The following ADD3 variants were observed in gnomAD, a reference collection of about 807,000 sequenced individuals.
ADD3 encodes adducin 3.
A neutral mutation model predicts 80.2 loss-of-function variants in ADD3; 25 were observed. The ratio of observed to expected loss-of-function variants is 0.31; its 90% CI spans 0.23 to 0.44. The LOEUF is 0.44. ADD3 is among the 20% of genes least tolerant of loss of function. ADD3 has a pLI of 1.00. For missense variants in ADD3, 829 were observed against 847.5 expected (o/e 0.98, Z 0.27); for synonymous variants, 284 against 289.6 (o/e 0.98, Z 0.20).
chr10:110,072,352 A>C (rs1228649161), intron 1 of ADD3, among the ~76,000 whole-genome samples: 2 of 152,194 alleles, frequency 1.3e-5, no homozygotes, highest in Non-Finnish European at 2.9e-5. Flanking sequence ...GGCGTGAGCC[A>C]CTGTGCCCGG....
At chr10:110,083,985 T>C (rs893576314) in intron 1 of ADD3, among the ~76,000 whole-genome samples, 1 of 152,216 alleles carries the variant, frequency 6.6e-6, no homozygotes, top group African/African-American at 2.4e-5. Context: ...GCTTTTTATT[T>C]GACAATAAAG....
At chr10:110,080,208 C>A (rs1239553666) in intron 1 of ADD3, among the ~76,000 whole-genome samples, 2 of 152,180 alleles carry the variant, frequency 1.3e-5, no homozygotes, top group Non-Finnish European at 2.9e-5. Flanking sequence ...ACATTGGGTT[C>A]AAAGTCGGGT....
intron 2 of ADD3, among the ~76,000 whole-genome samples, chr10:110,103,641 G>T (rs956487107): frequency 3.9e-5 from 6 of 152,108 alleles, no homozygotes; most frequent in African/African-American, 1.4e-4. Flanking sequence ...TTCTCCCCAT[G>T]CTCCAGGGGA....
chr10:110,077,760 TCAG>T (rs1189287784), intron 1 of ADD3, among the ~76,000 whole-genome samples: 1 of 129,834 alleles, frequency 7.7e-6, no homozygotes, highest in Non-Finnish European at 1.5e-5. Flanking sequence ...AGGTCCATGT[TCAG>T]CAATTTTTTT....
chr10:110,095,364 G>A (rs1006109619), intron 1 of ADD3, among the ~76,000 whole-genome samples: 3 of 152,004 alleles, frequency 2.0e-5, no homozygotes, highest in Non-Finnish European at 4.4e-5. Context: ...TCTCATTGGC[G>A]GCCACTCCTC....
chr10:110,112,967 A>G, intron 3 of ADD3, 52 bp downstream of exon 3: 1 of 1,570,320 alleles, frequency 6.4e-7, no homozygotes. Context: ...TCCACTTTGG[A>G]CCACTATACA....
In ADD3 at chr10:110,118,629, A is replaced by G; in HGVS notation, c.610A>G (p.Thr204Ala). 6.2e-7 allele frequency: 1 copy of G among 1,613,936 alleles called. No individual in the cohort carries two copies. The highest frequency in any genetic ancestry group is 1.1e-5 in the South Asian group (1 of 91,078). ...AGGAGAAGTGGTTGACCAGGGAAGT[A>G]CCAATTTGAAAATTGACCATACAGG... ...IIGEVVDQGSTNLKIDHTGFS... is the reference protein window; with the variant it reads ...IIGEVVDQGSANLKIDHTGFS... The change falls in exon 6 of 15, where the codon ACC (threonine) becomes GCC (alanine). Residue 204 changes from threonine to alanine, a missense_variant. Coordinates refer to ENST00000356080, the MANE Select transcript of ADD3 (RefSeq NM_016824.5).
At chr10:110,120,535 C>T (rs1278906007) in intron 8 of ADD3, among the ~76,000 whole-genome samples, 8 of 151,996 alleles carry the variant, frequency 5.3e-5, no homozygotes, top group South Asian at 2.1e-4. Flanking sequence ...AATAAACATA[C>T]GTGTGCATGT....
chr10:110,088,362 CT>C (rs1847072445), intron 1 of ADD3, among the ~76,000 whole-genome samples: 1 of 152,164 alleles, frequency 6.6e-6, no homozygotes. Context: ...ATAAAAATCT[CT>C]TTTTGTGAAC....
intron 8 of ADD3, among the ~76,000 whole-genome samples, chr10:110,121,331 A>G (rs987430217): frequency 2.0e-5 from 3 of 152,018 alleles, no homozygotes; most frequent in African/African-American, 7.3e-5. Flanking sequence ...TAAAAATACA[A>G]AATTAACAGG....
At chr10:110,105,820 G>A (rs1849343650) in intron 2 of ADD3, among the ~76,000 whole-genome samples, 1 of 152,194 alleles carries the variant, frequency 6.6e-6, no homozygotes, top group Non-Finnish European at 1.5e-5. Context: ...AAATCACCAT[G>A]ATCTGTGGTC....
intron 1 of ADD3, among the ~76,000 whole-genome samples, chr10:110,054,647 C>G (rs1564900262): frequency 1.4e-5 from 2 of 146,178 alleles, no homozygotes; most frequent in South Asian, 2.2e-4. Context: ...GAGTCTCGCT[C>G]TGTCCCCCAG....
At chr10:110,119,406 T>C (rs766784177) in intron 7 of ADD3, 52 bp downstream of exon 7, 1 of 1,613,268 alleles carries the variant, frequency 6.2e-7, no homozygotes. Flanking sequence ...CTGCTGTTGA[T>C]GAAAACAGTG....
chr10:110,051,517 A>G (rs1322634996), intron 1 of ADD3, among the ~76,000 whole-genome samples: 1 of 152,198 alleles, frequency 6.6e-6, no homozygotes, highest in African/African-American at 2.4e-5. Context: ...TGCCTGTTAT[A>G]GGGAATTTGC....
chr10:110,038,206 G>T (rs922618819), intron 1 of ADD3, among the ~76,000 whole-genome samples: 3 of 151,676 alleles, frequency 2.0e-5, no homozygotes, highest in African/African-American at 7.3e-5. Context: ...AACATCTCCA[G>T]AATTCAGTGA....
At chr10:110,069,907 C>T (rs1433168530) in intron 1 of ADD3, among the ~76,000 whole-genome samples, 1 of 152,140 alleles carries the variant, frequency 6.6e-6, no homozygotes, top group Non-Finnish European at 1.5e-5. Context: ...AACTGTGGTT[C>T]GCTAATAGAT....
At chr10:110,069,306 G>A (rs756379731) in intron 1 of ADD3, among the ~76,000 whole-genome samples, 1 of 152,026 alleles carries the variant, frequency 6.6e-6, no homozygotes, top group Non-Finnish European at 1.5e-5. Flanking sequence ...TTGTACTTCA[G>A]TGTGGAAGCA....
chr10:110,038,231 A>T (rs1358384539), intron 1 of ADD3, among the ~76,000 whole-genome samples: 1 of 152,140 alleles, frequency 6.6e-6, no homozygotes, highest in African/African-American at 2.4e-5. Flanking sequence ...TTTTCCACTT[A>T]CATGTAGTTC....
intron 12 of ADD3, among the ~76,000 whole-genome samples, chr10:110,129,242 C>T (rs1432920920): frequency 3.3e-5 from 5 of 151,718 alleles, no homozygotes; most frequent in South Asian, 2.1e-4. Flanking sequence ...CTCCGCCTCC[C>T]GGGTTCAAGC....
Sources: gnomAD v4.1 joint callset for allele counts (sites outside exome capture counted in the v4.1 genomes callset) on GRCh38, gnomAD v4.1.1 for gene constraint, MANE v1.5 for transcripts, NCBI Gene and HGNC (gene_info 2026-07-23, HGNC 2026-07-21) for gene names.